Variants in GPR158 observed in about 807,000 individuals in gnomAD.
GPR158 encodes metabotropic glycine receptor.
A neutral mutation model predicts 78.2 loss-of-function variants in GPR158; 30 were observed. The observed-to-expected ratio is 0.38, with a 90% confidence interval of 0.29 to 0.52. GPR158 has a LOEUF of 0.52. Among genes scored for constraint, GPR158 ranks in the 20% least tolerant of loss-of-function variants. The probability of loss-of-function intolerance (pLI) is 0.83; values close to 1 mark genes in which losing one functional copy is unlikely to be tolerated. For missense variants in GPR158, 1,463 were observed against 1,523.5 expected (o/e 0.96, Z 0.66); for synonymous variants, 581 against 591.1 (o/e 0.98, Z 0.25).
chr10:25,290,869 C>A (rs80204282), intron 2 of GPR158, among the ~76,000 whole-genome samples: 1 of 151,784 alleles, frequency 6.6e-6, no homozygotes, highest in Non-Finnish European at 1.5e-5. Context: ...GTACTCTATG[C>A]CTTTGATTGC....
At chr10:25,256,883 T>C (rs1157558465) in intron 2 of GPR158, among the ~76,000 whole-genome samples, 1 of 151,930 alleles carries the variant, frequency 6.6e-6, no homozygotes, top group Non-Finnish European at 1.5e-5. Flanking sequence ...ATAAACATAA[T>C]AGGCTGAAAT....
chr10:25,382,381 C>T (rs1193846287), intron 2 of GPR158, among the ~76,000 whole-genome samples: 2 of 152,070 alleles, frequency 1.3e-5, no homozygotes, highest in South Asian at 4.2e-4. Flanking sequence ...TGAGAGCTGG[C>T]TCCATCGAAC....
At chr10:25,516,308 C>A (rs1347295426) in intron 5 of GPR158, among the ~76,000 whole-genome samples, 1 of 148,608 alleles carries the variant, frequency 6.7e-6, no homozygotes, top group Non-Finnish European at 1.5e-5. Context: ...AATTTTCTCC[C>A]ATGTTGTAGG....
chr10:25,572,150 A>C (rs1160797282), intron 6 of GPR158, among the ~76,000 whole-genome samples: 5 of 152,166 alleles, frequency 3.3e-5, no homozygotes, highest in Admixed American at 2.6e-4. Context: ...TTGCCTACGG[A>C]TCTTTCTAAA....
chr10:25,412,461 T>G lies in GPR158; in HGVS notation c.1323T>G (p.Phe441Leu). The G allele has an allele frequency of 1.2e-6, 2 of 1,613,048 alleles. No homozygotes were observed. The highest frequency in any genetic ancestry group is 1.7e-6 in the Non-Finnish European group (2 of 1,179,098). ...DFVSMLVVYH[F>L]RKAKSIRASG... is the part of the protein sequence containing the mutation. ...TTAGCATGCTGGTGGTCTACCACTT[T>G]CGCAAAGCAAAGGTAAACCCAGGAA... is the stretch of plus-strand genomic sequence containing the variant. The change falls in exon 4 of 11, where the codon TTT (phenylalanine) becomes TTG (leucine). Residue 441 changes from phenylalanine to leucine, a missense_variant. Transcript: ENST00000376351.
chr10:25,491,410 A>G (rs1233882049), intron 5 of GPR158, among the ~76,000 whole-genome samples: 2 of 152,194 alleles, frequency 1.3e-5, no homozygotes, highest in African/African-American at 4.8e-5. Context: ...CAAGATAGAG[A>G]AGGACTGCCT....
rs573432774 is a variant in GPR158 at position 25,276,296 on chromosome 10, T to G, written c.1008+55139T>G. Among the ~76,000 whole-genome samples, 87 of 152,346 alleles carry G rather than the reference T, an allele frequency of 5.7e-4. 1 individual carries two copies. The highest frequency in any genetic ancestry group is 2.1e-3 in the African/African-American group (86 of 41,588). ...TCCACCCACATGCTGTTAGGTTCAC[T>G]GGACTCTCTTTCTCTCTCTTGCTCA... On this transcript the variant is annotated intron_variant, in intron 2 of 10. Transcript: ENST00000376351.
In GPR158 at chr10:25,599,259, T is replaced by C. The variant is rs1489902017; in HGVS notation, c.3633T>C (p.Asp1211=). ...IAGPRKEEIW[D]SFKV is the part of the protein sequence containing the mutation. ...GGCCTAGGAAAGAAGAGATCTGGGA[T>C]AGTTTTAAAGTGTAGCATCTCCAGG... Residue 1211 remains aspartate (D), a synonymous_variant, in exon 11 of 11, where the codon GAT becomes GAC. Transcript: ENST00000376351. 1.8e-5 allele frequency: 29 copies of C among 1,610,720 alleles called. No homozygotes were observed. The highest frequency in any genetic ancestry group is 2.4e-5 in the Non-Finnish European group (28 of 1,178,868).
At chr10:25,352,698 G>A (rs556948818) in intron 2 of GPR158, among the ~76,000 whole-genome samples, 85 of 152,066 alleles carry the variant, frequency 5.6e-4, no homozygotes, top group African/African-American at 2.0e-3. Context: ...ATACCTTCTA[G>A]TTCTAAGAGG....
chr10:25,235,845 T>C (rs917714189), intron 2 of GPR158, among the ~76,000 whole-genome samples: 14 of 151,932 alleles, frequency 9.2e-5, no homozygotes, highest in South Asian at 4.2e-4. Context: ...TACAGGTGCC[T>C]GCCACCATGC....
intron 2 of GPR158, among the ~76,000 whole-genome samples, chr10:25,288,651 C>T (rs1265001901): frequency 6.6e-6 from 1 of 152,132 alleles, no homozygotes; most frequent in Non-Finnish European, 1.5e-5. Flanking sequence ...TGTCCAAGAA[C>T]AGAACATATC....
intron 1 of GPR158, among the ~76,000 whole-genome samples, chr10:25,185,740 G>A (rs575925829): frequency 1.2e-4 from 18 of 152,078 alleles, no homozygotes; most frequent in African/African-American, 2.7e-4. Flanking sequence ...GGAGAATGGC[G>A]TGAACCCGGG....
rs1228762756 is a variant in GPR158 at position 25,601,353 on chromosome 10, TCTTC to T, written c.*2083_*2086del. ...CTTTACACCATTTATTTCTTTTATC[TCTTC>T]CTTTTCAATGAAGGCCTATATGCTT... On this transcript the variant is annotated 3_prime_UTR_variant, in exon 11 of 11. Coordinates refer to ENST00000376351, the MANE Select transcript of GPR158 (RefSeq NM_020752.3). 1 of 152,622 alleles carries T rather than the reference TCTTC, an allele frequency of 6.6e-6. No individual in the cohort carries two copies. Among genetic ancestry groups the T allele is most frequent in the Non-Finnish European group, 1.5e-5 (1 of 68,042 alleles). 9.5% of individuals were successfully genotyped at this position (152,622 alleles called of 1,614,324 possible).
rs1837461190 is a variant in GPR158 at position 25,599,331 on chromosome 10, A to G, written c.*57A>G. The G allele has an allele frequency of 1.6e-6, 2 of 1,250,876 alleles. No individual in the cohort carries two copies. The highest frequency in any genetic ancestry group is 1.5e-5 in the African/African-American group (1 of 65,516). The allele number at this position is 1,250,876 out of a possible 1,614,324, so 77.5% of individuals were successfully genotyped here. Reference sequence around the variant, plus strand: ...CCCCGGATTGGATATGAGACAGAAGATATAAGAATCAAATATTCCCAAGGA... The same window carrying G: ...CCCCGGATTGGATATGAGACAGAAGGTATAAGAATCAAATATTCCCAAGGA... On this transcript the variant is annotated 3_prime_UTR_variant, in exon 11 of 11. Transcript: ENST00000376351.
intron 5 of GPR158, among the ~76,000 whole-genome samples, chr10:25,528,762 A>C (rs1836384799): frequency 6.6e-6 from 1 of 152,188 alleles, no homozygotes; most frequent in Non-Finnish European, 1.5e-5. Flanking sequence ...GTAATTTACA[A>C]GTTTAGTCTA....
intron 4 of GPR158, among the ~76,000 whole-genome samples, chr10:25,438,304 G>A (rs1835025088): frequency 6.6e-6 from 1 of 152,188 alleles, no homozygotes; most frequent in South Asian, 2.1e-4. Context: ...AGCCCAGATC[G>A]GGTTGGTTTC....
intron 2 of GPR158, among the ~76,000 whole-genome samples, chr10:25,371,784 AC>A (rs2130550568): frequency 7.4e-6 from 1 of 134,980 alleles, no homozygotes; most frequent in East Asian, 2.0e-4. Flanking sequence ...ACCATTCAGG[AC>A]ATAGGCAAGG....
intron 4 of GPR158, among the ~76,000 whole-genome samples, chr10:25,455,692 T>C (rs531407343): frequency 2.0e-5 from 3 of 152,296 alleles, no homozygotes; most frequent in Non-Finnish European, 4.4e-5. Context: ...TACTTACTCA[T>C]GTTCATGATA....
chr10:25,402,233 T>G (rs1404123234), intron 3 of GPR158, among the ~76,000 whole-genome samples: 3 of 152,070 alleles, frequency 2.0e-5, no homozygotes, highest in African/African-American at 7.2e-5. Context: ...TGAGGGACAT[T>G]CTACAAAATA....
Sources: gnomAD v4.1 joint callset for allele counts (sites outside exome capture counted in the v4.1 genomes callset) on GRCh38, gnomAD v4.1.1 for gene constraint, MANE v1.5 for transcripts, NCBI Gene and HGNC (gene_info 2026-07-23, HGNC 2026-07-21) for gene names.